IMPG1: variants seen among roughly 807,000 people sequenced by gnomAD.
IMPG1 encodes interphotoreceptor matrix proteoglycan of 150 kDa.
IMPG1 carries 85 observed loss-of-function variants against 92.0 expected under a neutral mutation model. The ratio of observed to expected loss-of-function variants is 0.92; its 90% CI spans 0.78 to 1.11. The LOEUF (loss-of-function observed/expected upper bound fraction) is 1.11, where lower values mean the gene tolerates loss of function less well. Ranked by LOEUF, IMPG1 falls within the 50% of genes least tolerant of loss-of-function variation. IMPG1 has a pLI of 0.00. For synonymous variants in IMPG1, 367 were observed against 334.1 expected, an observed-to-expected ratio of 1.10 and a Z score of -1.08; for missense variants, 1,022 against 956.0, an observed-to-expected ratio of 1.07 and a Z score of -0.91.
At chr6:75,930,853 C>A in intron 15 of IMPG1, 100 bp downstream of exon 15, 1 of 1,111,030 alleles carries the variant, frequency 9.0e-7, no homozygotes, top group South Asian at 1.4e-5. Flanking sequence ...GTTTAAAAAC[C>A]ATGGGTTGAA....
chr6:75,999,356 T>G (rs1014492328), intron 12 of IMPG1, among the ~76,000 whole-genome samples: 1 of 152,248 alleles, frequency 6.6e-6, no homozygotes, highest in East Asian at 1.9e-4. Flanking sequence ...GAAAGATTTC[T>G]TTGAGTGCTT....
intron 14 of IMPG1, among the ~76,000 whole-genome samples, chr6:75,941,025 A>G (rs758475364): frequency 7.9e-5 from 12 of 152,188 alleles, no homozygotes; most frequent in Non-Finnish European, 1.2e-4. Flanking sequence ...TTCTGCTGAC[A>G]TCCTGATTCC....
At chr6:75,951,204 G>A (rs915920861) in intron 12 of IMPG1, 110 bp from the exon 13 acceptor site, 27 of 773,148 alleles carry the variant, frequency 3.5e-5, no homozygotes, top group Admixed American at 5.7e-5. Context: ...TAGCATTTGC[G>A]TAGATCATTT....
At chr6:76,011,424 T>C (rs2149479902) in intron 7 of IMPG1, among the ~76,000 whole-genome samples, 200 bp from the exon 8 acceptor site, 1 of 152,310 alleles carries the variant, frequency 6.6e-6, no homozygotes, top group South Asian at 2.1e-4. Flanking sequence ...AAACTCTTTG[T>C]TCCTAGTGAT....
chr6:75,942,315 T>C (rs909273395), intron 14 of IMPG1, among the ~76,000 whole-genome samples: 3 of 152,210 alleles, frequency 2.0e-5, no homozygotes, highest in African/African-American at 7.2e-5. Flanking sequence ...ATCATCATCA[T>C]TGAGTTCAAG....
intron 1 of IMPG1, among the ~76,000 whole-genome samples, chr6:76,056,972 G>A (rs779781033): frequency 3.3e-5 from 5 of 152,088 alleles, no homozygotes; most frequent in Non-Finnish European, 7.4e-5. Flanking sequence ...GCCATAAAAA[G>A]GAACAAAATC....
chr6:75,980,089 C>T (rs944893754), intron 12 of IMPG1, among the ~76,000 whole-genome samples: 10 of 152,166 alleles, frequency 6.6e-5, no homozygotes, highest in South Asian at 2.1e-4. Flanking sequence ...CAAGCAGGAT[C>T]GTTTCGGACA....
At chr6:75,948,481 A>T (rs1207172364) in intron 13 of IMPG1, among the ~76,000 whole-genome samples, 1 of 151,996 alleles carries the variant, frequency 6.6e-6, no homozygotes, top group African/African-American at 2.4e-5. Flanking sequence ...CCACCCCACC[A>T]CAATTTTGAC....
chr6:75,931,519 G>A (rs1333864243), intron 14 of IMPG1, among the ~76,000 whole-genome samples: 1 of 152,112 alleles, frequency 6.6e-6, no homozygotes, highest in African/African-American at 2.4e-5. Context: ...GATGCATCTG[G>A]TCTGGGGAGC....
rs1445231821 is a variant in IMPG1, at chr6:75,947,582, C to G, written c.1825-49G>C. ...TCTTAACTGTGTTCTAAGTGCTCAG[C>G]TGCTGCTAATTCCACTTACACTCAC... On this transcript the variant is annotated intron_variant, in intron 13 of 16. Coordinates refer to ENST00000369950, the MANE Select transcript of IMPG1 (RefSeq NM_001563.4). 2.3e-6 allele frequency: 3 copies of G among 1,292,790 alleles called. No homozygotes were observed. The South Asian group carries it at 3.8e-5, about 16-fold the overall frequency. The allele number at this position is 1,292,790 out of a possible 1,614,324, so 80.1% of individuals were successfully genotyped here.
At chr6:76,056,161 G>C (rs1021275328) in intron 1 of IMPG1, among the ~76,000 whole-genome samples, 1 of 151,996 alleles carries the variant, frequency 6.6e-6, no homozygotes, top group Non-Finnish European at 1.5e-5. Flanking sequence ...CAGGAATGTA[G>C]GGTTGGCTTA....
At chr6:75,923,329 G>C (rs1484480650) in intron 16 of IMPG1, among the ~76,000 whole-genome samples, 1 of 151,942 alleles carries the variant, frequency 6.6e-6, no homozygotes, top group Non-Finnish European at 1.5e-5. Flanking sequence ...AATTATTACT[G>C]TAAAGATTTC....
chr6:76,011,316 G>A lies in IMPG1; in HGVS notation c.808-92C>T, dbSNP rs1783181336. 8.5e-6 allele frequency: 5 copies of A among 585,904 alleles called. No individual in the cohort carries two copies. The South Asian group carries it at 1.2e-4, about 14-fold the overall frequency. 36.3% of individuals were successfully genotyped at this position (585,904 alleles called of 1,614,324 possible). A position where few individuals can be genotyped will look rare whatever the true frequency, so the allele number is the denominator to read the frequency against. On this transcript the variant is annotated intron_variant, in intron 7 of 16. Coordinates refer to ENST00000369950, the MANE Select transcript of IMPG1 (RefSeq NM_001563.4). ...AAACCTGAACACTTTTGATGAGTTA[G>A]GGGAACAGCTGAAAATGGAAAATGA... is the stretch of plus-strand genomic sequence containing the variant.
chr6:76,028,704 C>T (rs191719906), intron 4 of IMPG1, among the ~76,000 whole-genome samples: 24 of 152,224 alleles, frequency 1.6e-4, no homozygotes, highest in Middle Eastern at 3.4e-3. Context: ...GTGGTGGGTG[C>T]CTGTAGTCCC....
At chr6:75,929,698 A>G (rs1418811812) in intron 15 of IMPG1, among the ~76,000 whole-genome samples, 1 of 151,968 alleles carries the variant, frequency 6.6e-6, no homozygotes, top group Non-Finnish European at 1.5e-5. Flanking sequence ...TTAAAGTATA[A>G]TAATAATAAA....
chr6:75,949,990 CAAAAT>C (rs1335061281), intron 13 of IMPG1, among the ~76,000 whole-genome samples: 6 of 151,986 alleles, frequency 3.9e-5, no homozygotes, highest in Non-Finnish European at 2.9e-5. Context: ...TATGTAGAAA[CAAAAT>C]AAACGTGAGT....
chr6:76,037,770 A>G (rs1783766277), intron 2 of IMPG1, among the ~76,000 whole-genome samples: 1 of 152,238 alleles, frequency 6.6e-6, no homozygotes, highest in African/African-American at 2.4e-5. Context: ...TACATAAAAT[A>G]AACTAGCACT....
intron 1 of IMPG1, among the ~76,000 whole-genome samples, chr6:76,051,559 T>C (rs969073685): frequency 5.9e-5 from 9 of 152,312 alleles, no homozygotes; most frequent in South Asian, 2.1e-4. Context: ...AAGAAGATCA[T>C]AGAAAGTAAG....
intron 9 of IMPG1, 109 bp from the exon 10 acceptor site, chr6:76,005,643 G>T: frequency 1.9e-6 from 2 of 1,068,634 alleles, no homozygotes; most frequent in Non-Finnish European, 2.8e-6. Context: ...CCTCTTTCCT[G>T]ATGGGCTCGG....
Sources: gnomAD v4.1 joint callset for allele counts (sites outside exome capture counted in the v4.1 genomes callset) on GRCh38, gnomAD v4.1.1 for gene constraint, MANE v1.5 for transcripts, NCBI Gene and HGNC (gene_info 2026-07-23, HGNC 2026-07-21) for gene names.